The following MARK3 variants were observed in gnomAD, a reference collection of about 807,000 sequenced individuals.
MARK3 encodes the protein MAP/microtubule affinity-regulating kinase 3.
A neutral mutation model predicts 90.1 loss-of-function variants in MARK3; 46 were observed. The observed-to-expected ratio is 0.51, with a 90% confidence interval of 0.40 to 0.65. The LOEUF (loss-of-function observed/expected upper bound fraction) is 0.65. Among genes scored for constraint, MARK3 ranks in the 30% least tolerant of loss-of-function variants. The pLI is 0.00. For missense variants in MARK3, 818 were observed against 947.2 expected (o/e 0.86, Z 1.79); for synonymous variants, 321 against 332.6 (o/e 0.97, Z 0.38).
chr14:103,439,886 G>C (rs1446479666), intron 3 of MARK3, among the ~76,000 whole-genome samples: 1 of 151,976 alleles, frequency 6.6e-6, no homozygotes, highest in African/African-American at 2.4e-5. Context: ...CTGGATTCAA[G>C]TGATTCTCCT....
At chr14:103,464,076 C>T (rs2093454787) in intron 7 of MARK3, among the ~76,000 whole-genome samples, 2 of 152,202 alleles carry the variant, frequency 1.3e-5, no homozygotes, top group Non-Finnish European at 1.5e-5. Context: ...TCACACCTTT[C>T]AGTGCCAACC....
At chr14:103,435,202 C>G (rs2092684817) in intron 3 of MARK3, among the ~76,000 whole-genome samples, 1 of 152,182 alleles carries the variant, frequency 6.6e-6, no homozygotes, top group African/African-American at 2.4e-5. Flanking sequence ...CAGTACTTTT[C>G]AACCCTTCTT....
At chr14:103,491,648 G>A (rs2094018103) in intron 14 of MARK3, 129 bp from the exon 15 acceptor site, 4 of 930,294 alleles carry the variant, frequency 4.3e-6, no homozygotes, top group South Asian at 1.7e-5. Flanking sequence ...TTGCTCCTAA[G>A]TCCTATAAAA....
At chr14:103,398,304 A>G (rs2090718861) in intron 1 of MARK3, among the ~76,000 whole-genome samples, 2 of 152,212 alleles carry the variant, frequency 1.3e-5, no homozygotes, top group African/African-American at 4.8e-5. Flanking sequence ...AGTGCACCAC[A>G]GTTTTTGTAT....
chr14:103,397,947 G>A (rs1715933954), intron 1 of MARK3, among the ~76,000 whole-genome samples: 1 of 152,100 alleles, frequency 6.6e-6, no homozygotes, highest in Non-Finnish European at 1.5e-5. Flanking sequence ...CCACGTTACT[G>A]TTTTAATGTG....
At position 103,492,046 on chromosome 14, in the gene MARK3, G is replaced by A; in HGVS notation, c.1844+12G>A. On this transcript the variant is annotated intron_variant, in intron 15 of 17. Coordinates refer to ENST00000429436, the MANE Select transcript of MARK3 (RefSeq NM_001128918.3). Reference sequence around the variant, plus strand: ...AAACTCACAAGGAGGTAAGTGCTAGGTGCTGGTTGTTTTGGAGTGAACACA... The same window carrying A: ...AAACTCACAAGGAGGTAAGTGCTAGATGCTGGTTGTTTTGGAGTGAACACA... The A allele has an allele frequency of 6.2e-7, 1 of 1,612,750 alleles. No homozygotes were observed. The highest frequency in any genetic ancestry group is 8.5e-7 in the Non-Finnish European group (1 of 1,179,242).
At position 103,385,733 on chromosome 14, in the gene MARK3, A is replaced by G; in HGVS notation, c.-297A>G. Reference sequence around the variant, plus strand: ...CCAGGATCGCGGGGCGCCCTGAGGCAAGGGGACGCCGGCGGGCCGAAGCGC... The same window carrying G: ...CCAGGATCGCGGGGCGCCCTGAGGCGAGGGGACGCCGGCGGGCCGAAGCGC... On this transcript the variant is annotated 5_prime_UTR_variant, in exon 1 of 18. Coordinates refer to ENST00000429436, the MANE Select transcript of MARK3 (RefSeq NM_001128918.3). The G allele has an allele frequency of 3.0e-6, 1 of 329,870 alleles. No homozygotes were observed. The highest frequency in any genetic ancestry group is 8.1e-5 in the South Asian group (1 of 12,280). The allele number at this position is 329,870 out of a possible 1,614,324, so 20.4% of individuals were successfully genotyped here. A position where few individuals can be genotyped will look rare whatever the true frequency, so the allele number is the denominator to read the frequency against.
chr14:103,430,189 A>G (rs2092539243), intron 3 of MARK3, among the ~76,000 whole-genome samples: 2 of 152,216 alleles, frequency 1.3e-5, no homozygotes, highest in African/African-American at 4.8e-5. Context: ...CATTCACTGA[A>G]GACTTATTCT....
At chr14:103,458,705 A>G (rs972652112) in intron 6 of MARK3, 1 of 680,454 alleles carries the variant, frequency 1.5e-6, no homozygotes, top group Admixed American at 2.3e-5. Flanking sequence ...GAACCTTTAT[A>G]TTTTGTTTTA....
At chr14:103,467,365 C>G (rs1392266247) in intron 11 of MARK3, 174 bp downstream of exon 11, 1 of 415,478 alleles carries the variant, frequency 2.4e-6, no homozygotes, top group Admixed American at 4.1e-5. Context: ...TTTAACTTAA[C>G]CCTTAATGAT....
At chr14:103,400,536 A>G (rs1431809943) in intron 1 of MARK3, among the ~76,000 whole-genome samples, 1 of 152,208 alleles carries the variant, frequency 6.6e-6, no homozygotes, top group African/African-American at 2.4e-5. Context: ...ATCAGGACTC[A>G]TTTAATCCAT....
At chr14:103,458,519 T>C (rs1165040440) in intron 6 of MARK3, among the ~76,000 whole-genome samples, 1 of 149,600 alleles carries the variant, frequency 6.7e-6, no homozygotes, top group Non-Finnish European at 1.5e-5. Context: ...AACGTGACTG[T>C]GTTCCAACAA....
At chr14:103,421,157 G>A (rs114803346) in intron 2 of MARK3, among the ~76,000 whole-genome samples, 1 of 152,258 alleles carries the variant, frequency 6.6e-6, no homozygotes, top group African/African-American at 2.4e-5. Flanking sequence ...TCAAGTGTGC[G>A]TTACAGTGCT....
At chr14:103,437,343 G>A (rs1243564451) in intron 3 of MARK3, among the ~76,000 whole-genome samples, 8 of 150,214 alleles carry the variant, frequency 5.3e-5, no homozygotes, top group Admixed American at 2.6e-4. Flanking sequence ...GCAGTGAGCC[G>A]AGATCACGCC....
intron 5 of MARK3, among the ~76,000 whole-genome samples, chr14:103,453,284 CCCCTGCCTCTAGCA>C: frequency 6.6e-6 from 1 of 152,230 alleles, no homozygotes; most frequent in Middle Eastern, 3.4e-3. Context: ...CTTTTTGTGT[CCCCTGCCTCTAGCA>C]CACTGCCTGG....
chr14:103,389,528 CAAAAAAA>C (rs67737305), intron 1 of MARK3, among the ~76,000 whole-genome samples: 9 of 49,858 alleles, frequency 1.8e-4, no homozygotes, highest in East Asian at 9.2e-4. Context: ...ACTCTGTCTC[CAAAAAAA>C]AAAAAAAAAA....
intron 2 of MARK3, among the ~76,000 whole-genome samples, chr14:103,409,833 G>A (rs1418842771): frequency 6.6e-6 from 1 of 152,152 alleles, no homozygotes; most frequent in Non-Finnish European, 1.5e-5. Context: ...TTTCCTATCA[G>A]TGGGCATTAG....
chr14:103,409,745 G>A (rs1595522728), intron 2 of MARK3, among the ~76,000 whole-genome samples: 2 of 152,100 alleles, frequency 1.3e-5, no homozygotes, highest in Admixed American at 1.3e-4. Context: ...GACCATGTCT[G>A]GGTCTTAGTA....
chr14:103,465,531 T>G (rs753108292), intron 7 of MARK3, 26 bp from the exon 8 acceptor site: 1 of 1,528,972 alleles, frequency 6.5e-7, no homozygotes, highest in South Asian at 1.1e-5. Context: ...CTAAATTTCA[T>G]TTTTGTCTTG....
Sources: gnomAD v4.1 joint callset for allele counts (sites outside exome capture counted in the v4.1 genomes callset) on GRCh38, gnomAD v4.1.1 for gene constraint, MANE v1.5 for transcripts, NCBI Gene and HGNC (gene_info 2026-07-23, HGNC 2026-07-21) for gene names.